ZNF587B: variants seen among roughly 807,000 people sequenced by gnomAD.
ZNF587B encodes the protein zinc finger protein 587B.
Under a neutral mutation model 7.2 loss-of-function variants are expected in ZNF587B, and 6 were observed. The observed-to-expected ratio is 0.83, with a 90% CI of 0.46 to 1.65. The LOEUF is 1.65. Ranked by LOEUF, ZNF587B falls within the 40% of genes most tolerant of loss-of-function variation. The probability of loss-of-function intolerance (pLI) is 0.01; values close to 1 mark genes in which losing one functional copy is unlikely to be tolerated. For missense variants in ZNF587B, 749 were observed against 761.0 expected, an observed-to-expected ratio of 0.98 and a Z score of 0.19; for synonymous variants, 274 against 254.3, an observed-to-expected ratio of 1.08 and a Z score of -0.74.
chr19:57,841,546 T>G lies in ZNF587B; in HGVS notation c.872T>G (p.Phe291Cys). The change falls in exon 3 of 3, where the codon TTT (phenylalanine) becomes TGT (cysteine). Residue 291 changes from phenylalanine to cysteine, a missense_variant. Phe to Cys is a radical substitution (Grantham distance 205). Transcript: ENST00000594901. ...AGCAGCCTCATTCAACATCAGCAAT[T>G]TCACACTGGAGGAAAACCTTATGGG... is the stretch of plus-strand genomic sequence containing the variant. Reference protein sequence around the residue: ...QKSSLIQHQQFHTGGKPYGCE... With the variant: ...QKSSLIQHQQCHTGGKPYGCE... The G allele has an allele frequency of 1.3e-6, 2 of 1,581,054 alleles. No homozygotes were observed. The highest frequency in any genetic ancestry group is 1.7e-6 in the Non-Finnish European group (2 of 1,162,902).
chr19:57,840,970 C>G lies in ZNF587B; in HGVS notation c.296C>G (p.Pro99Arg), dbSNP rs538413803. 2.3e-5 allele frequency: 36 copies of G among 1,592,830 alleles called. No individual in the cohort carries two copies. The East Asian group carries it at 7.2e-4, about 32-fold the overall frequency. The stretch of plus-strand genomic sequence containing the variant: ...GCCCACCCCTGTGAGATGTGTGGCC[C>G]GATCTTGGGAGACATTTTGCATGTG... The part of the protein sequence containing the change: ...KKAHPCEMCG[P>R]ILGDILHVAD... The change falls in exon 3 of 3, where the codon CCG becomes CGG. Residue 99 changes from proline (P) to arginine (R), a missense_variant. Pro to Arg is a moderately radical substitution (Grantham distance 103). Transcript: ENST00000594901.
At position 57,844,194 on chromosome 19, in the gene ZNF587B, C is replaced by G; in HGVS notation, c.*1618C>G. On this transcript the variant is annotated 3_prime_UTR_variant, in exon 3 of 3. Transcript: ENST00000594901. Reference sequence around the variant, plus strand: ...ATTTTTGTCCCAGAGGACTCTTGTGCTGACTTGAAAAGATGGACTATTTTG... The same window carrying G: ...ATTTTTGTCCCAGAGGACTCTTGTGGTGACTTGAAAAGATGGACTATTTTG... The G allele has an allele frequency of 2.4e-6, 1 of 424,412 alleles. No individual in the cohort carries two copies. The highest frequency in any genetic ancestry group is 1.6e-5 in the South Asian group (1 of 60,634). 26.3% of individuals were successfully genotyped at this position (424,412 alleles called of 1,614,324 possible).
In ZNF587B at chr19:57,830,537, G is replaced by A; in HGVS notation, c.9G>A (p.Val3=). 6.5e-7 allele frequency: 1 copy of A among 1,549,714 alleles called. No individual in the cohort carries two copies. The highest frequency in any genetic ancestry group is 2.4e-5 in the East Asian group (1 of 40,924). ...TTAAACCACGTGGTTCGATGGCGGT[G>A]GTGGCCACGCTGAGGCTCTCTGCTC... is the stretch of plus-strand genomic sequence containing the variant. The part of the protein sequence containing the change: MA[V]VATLRLSAQG... Residue 3 remains valine (V), a synonymous_variant, in exon 1 of 3, where the codon GTG becomes GTA. Coordinates refer to ENST00000594901, the MANE Select transcript of ZNF587B (RefSeq NM_001376223.1).
chr19:57,836,831 G>T (rs535509845), intron 1 of ZNF587B, among the ~76,000 whole-genome samples: 15 of 152,132 alleles, frequency 9.9e-5, no homozygotes, highest in African/African-American at 3.4e-4. Context: ...AGGCATGGTG[G>T]TACACTCATG....
intron 1 of ZNF587B, among the ~76,000 whole-genome samples, chr19:57,836,595 G>T (rs899002170): frequency 4.6e-5 from 7 of 152,134 alleles, no homozygotes; most frequent in African/African-American, 1.7e-4. Flanking sequence ...CGATCAAGCA[G>T]TGCTTCCACT....
Position 57,846,166 on chromosome 19 carries a change from T to C in ZNF587B, c.*3590T>C, listed in dbSNP as rs1442591043. ...GCTCTTCAAACAACCATTGATTTAC[T>C]TTGCTGTATGATGGAGTACTTTCCA... On this transcript the variant is annotated 3_prime_UTR_variant, in exon 3 of 3. Transcript: ENST00000594901. 6.6e-6 allele frequency: 1 copy of C among 152,184 alleles called. No homozygotes were observed. Among genetic ancestry groups the C allele is most frequent in the Non-Finnish European group, 1.5e-5 (1 of 68,032 alleles). The allele number at this position is 152,184 out of a possible 1,614,324, so 9.4% of individuals were successfully genotyped here.
chr19:57,840,984 A>G lies in ZNF587B; in HGVS notation c.310A>G (p.Ile104Val), dbSNP rs868097790. 6.3e-7 allele frequency: 1 copy of G among 1,598,938 alleles called. No individual in the cohort carries two copies. Among genetic ancestry groups the G allele is most frequent in the Middle Eastern group, 1.8e-4 (1 of 5,698 alleles). ...CEMCGPILGDILHVADHQGTH... is the reference protein window; with the variant it reads ...CEMCGPILGDVLHVADHQGTH... Reference sequence around the variant, plus strand: ...GATGTGTGGCCCGATCTTGGGAGACATTTTGCATGTGGCAGATCATCAGGG... The same window carrying G: ...GATGTGTGGCCCGATCTTGGGAGACGTTTTGCATGTGGCAGATCATCAGGG... Residue 104 changes from isoleucine to valine, a missense_variant, in exon 3 of 3, where the codon ATT becomes GTT. Ile to Val is a conservative substitution (Grantham distance 29). Transcript: ENST00000594901.
At chr19:57,831,276 G>T (rs114526315) in intron 1 of ZNF587B, among the ~76,000 whole-genome samples, 1 of 152,088 alleles carries the variant, frequency 6.6e-6, no homozygotes, top group Non-Finnish European at 1.5e-5. Context: ...AGGAAAGGGA[G>T]AATCTAAAAA....
Position 57,830,426 on chromosome 19 carries a change from C to T in ZNF587B, c.-103C>T, listed in dbSNP as rs1988327759. ...AGGCGACTCTGGAGCTCTGTGACGG[C>T]GCCAAGCGTGACCCACCCCTGGGCC... On this transcript the variant is annotated 5_prime_UTR_variant, in exon 1 of 3. Coordinates refer to ENST00000594901, the MANE Select transcript of ZNF587B (RefSeq NM_001376223.1). 7.8e-6 allele frequency: 10 copies of T among 1,290,214 alleles called. No individual in the cohort carries two copies. The South Asian group carries it at 1.2e-4, about 15-fold the overall frequency. 79.9% of individuals were successfully genotyped at this position (1,290,214 alleles called of 1,614,324 possible).
rs540662800 is a variant in ZNF587B, at chr19:57,831,866, G to A, written c.36+1302G>A. ...ATTACAGACACCCGCCACCATGCCCGGCTAATTTTTTGTATTTTTAGTAGA... is the reference window on the plus strand; with the variant it reads ...ATTACAGACACCCGCCACCATGCCCAGCTAATTTTTTGTATTTTTAGTAGA... On this transcript the variant is annotated intron_variant, in intron 1 of 2. Coordinates refer to ENST00000594901, the MANE Select transcript of ZNF587B (RefSeq NM_001376223.1). Among the ~76,000 whole-genome samples, 3 of 151,508 alleles carry A rather than the reference G, an allele frequency of 2.0e-5. No homozygotes were observed. The East Asian group carries it at 5.8e-4, about 29-fold the overall frequency.
rs532516218 is a variant in ZNF587B, at chr19:57,843,241, C to A, written c.*665C>A. 82 of 958,294 alleles carry A rather than the reference C, an allele frequency of 8.6e-5. No individual in the cohort carries two copies. The African/African-American group carries it at 1.4e-3, about 16-fold the overall frequency. The allele number at this position is 958,294 out of a possible 1,614,324, so 59.4% of individuals were successfully genotyped here. A position where few individuals can be genotyped will look rare whatever the true frequency, so the allele number is the denominator to read the frequency against. On this transcript the variant is annotated 3_prime_UTR_variant, in exon 3 of 3. Coordinates refer to ENST00000594901, the MANE Select transcript of ZNF587B (RefSeq NM_001376223.1). ...TCCTGAGCTCAAGCAATCTGTACAC[C>A]TCAGCCTCCCAAAGTGCTGAGATTG...
Position 57,830,671 on chromosome 19 carries a change from C to G in ZNF587B, c.36+107C>G, listed in dbSNP as rs1408396778. ...GTGGCAGAGCCATAGGCAGCAGATG[C>G]TGAGTTTTTATTAGGAGTGACTGTC... On this transcript the variant is annotated intron_variant, in intron 1 of 2. Coordinates refer to ENST00000594901, the MANE Select transcript of ZNF587B (RefSeq NM_001376223.1). The G allele has an allele frequency of 4.5e-6, 6 of 1,328,828 alleles. No individual in the cohort carries two copies. In the Admixed American group the frequency reaches 8.2e-5, roughly 18 times the overall value. 82.3% of individuals were successfully genotyped at this position (1,328,828 alleles called of 1,614,324 possible).
intron 2 of ZNF587B, among the ~76,000 whole-genome samples, 170 bp downstream of exon 2, chr19:57,839,319 C>T (rs999973782): frequency 6.6e-6 from 1 of 152,222 alleles, no homozygotes; most frequent in Non-Finnish European, 1.5e-5. Context: ...CTACTCCTTT[C>T]TTGGAGCAGC....
chr19:57,841,680 A>G lies in ZNF587B; in HGVS notation c.1006A>G (p.Ser336Gly). Reference protein sequence around the residue: ...YECGECGKSFSSNVNLKSHQR... With the variant: ...YECGECGKSFGSNVNLKSHQR... ...GTGTGGAGAATGTGGGAAATCTTTT[A>G]GTTCAAACGTGAACCTTAAGAGTCA... is the stretch of plus-strand genomic sequence containing the variant. Residue 336 changes from serine to glycine, a missense_variant, in exon 3 of 3, where the codon AGT (serine) becomes GGT (glycine). Ser to Gly is a moderately conservative substitution (Grantham distance 56). Transcript: ENST00000594901. The G allele has an allele frequency of 6.2e-7, 1 of 1,605,384 alleles. No homozygotes were observed. Among genetic ancestry groups the G allele is most frequent in the African/African-American group, 1.3e-5 (1 of 74,860 alleles).
rs1437806254 is a variant in ZNF587B at position 57,841,573 on chromosome 19, G to A, written c.899G>A (p.Cys300Tyr). The change falls in exon 3 of 3, where the codon TGT (cysteine) becomes TAT (tyrosine). Residue 300 changes from cysteine to tyrosine, a missense_variant. Cys to Tyr is a radical substitution (Grantham distance 194). Transcript: ENST00000594901. ...QFHTGGKPYG[C>Y]EECGKYFSLE... ...CACACTGGAGGAAAACCTTATGGGT[G>A]TGAAGAATGTGGGAAATATTTTAGC... 1 of 1,576,902 alleles carries A rather than the reference G, an allele frequency of 6.3e-7. No individual in the cohort carries two copies. The highest frequency in any genetic ancestry group is 2.3e-5 in the East Asian group (1 of 42,810).
chr19:57,837,223 T>G (rs1459651836), intron 1 of ZNF587B, among the ~76,000 whole-genome samples: 1 of 151,976 alleles, frequency 6.6e-6, no homozygotes, highest in Non-Finnish European at 1.5e-5. Context: ...TTGTGGTGAG[T>G]GGTGTCCCTC....
rs1464077012 is a variant in ZNF587B, at chr19:57,840,959, G to A, written c.285G>A (p.Glu95=). Reference sequence around the variant, plus strand: ...CTCCCAAGAAGGCCCACCCCTGTGAGATGTGTGGCCCGATCTTGGGAGACA... The same window carrying A: ...CTCCCAAGAAGGCCCACCCCTGTGAAATGTGTGGCCCGATCTTGGGAGACA... ...GVSPKKAHPC[E]MCGPILGDIL... The change falls in exon 3 of 3, where the codon GAG becomes GAA. Residue 95 remains glutamate, a synonymous_variant. Transcript: ENST00000594901. 4.4e-6 allele frequency: 7 copies of A among 1,590,954 alleles called. No homozygotes were observed. The highest frequency in any genetic ancestry group is 6.0e-6 in the Non-Finnish European group (7 of 1,167,304).
chr19:57,830,409 C>A lies in ZNF587B; in HGVS notation c.-120C>A. ...TGTCCTCTGCTGCACAGAGGCGACT[C>A]TGGAGCTCTGTGACGGCGCCAAGCG... On this transcript the variant is annotated 5_prime_UTR_variant, in exon 1 of 3. The change creates a new upstream start codon in the 5' untranslated region. Transcript: ENST00000594901. 1 of 1,092,604 alleles carries A rather than the reference C, an allele frequency of 9.2e-7. No individual in the cohort carries two copies. The highest frequency in any genetic ancestry group is 1.3e-6 in the Non-Finnish European group (1 of 750,702). 67.7% of individuals were successfully genotyped at this position (1,092,604 alleles called of 1,614,324 possible). A position where few individuals can be genotyped will look rare whatever the true frequency, so the allele number is the denominator to read the frequency against.
rs531107494 is a variant in ZNF587B at position 57,843,279 on chromosome 19, A to C, written c.*703A>C. 4.8e-5 allele frequency: 47 copies of C among 985,054 alleles called. No homozygotes were observed. In the South Asian group the frequency reaches 5.6e-4, roughly 12 times the overall value. 61.0% of individuals were successfully genotyped at this position (985,054 alleles called of 1,614,324 possible). On this transcript the variant is annotated 3_prime_UTR_variant, in exon 3 of 3. Coordinates refer to ENST00000594901, the MANE Select transcript of ZNF587B (RefSeq NM_001376223.1). ...AGTGCTGAGATTGTAGGTTTGAGTC[A>C]CTGTGCTCAGCCAATTATGTTTTTC...
Sources: gnomAD v4.1 joint callset for allele counts (sites outside exome capture counted in the v4.1 genomes callset) on GRCh38, gnomAD v4.1.1 for gene constraint, MANE v1.5 for transcripts, NCBI Gene and HGNC (gene_info 2026-07-23, HGNC 2026-07-21) for gene names.